Variants in ENY2 observed in about 807,000 individuals in gnomAD.
ENY2 encodes the protein transcription and mRNA export factor ENY2.
A neutral mutation model predicts 15.9 loss-of-function variants in ENY2; 4 were observed. The observed-to-expected ratio is 0.25, with a 90% CI of 0.12 to 0.57. ENY2 has a LOEUF of 0.57. Among genes scored for constraint, ENY2 ranks in the 20% least tolerant of loss-of-function variants. The pLI is 0.91. For missense variants in ENY2, 54 were observed against 117.2 expected (o/e 0.46, Z 2.49); for synonymous variants, 48 against 38.0 (o/e 1.26, Z -0.97).
rs912562214 is a variant in ENY2 at position 109,345,236 on chromosome 8, C to T, written c.*1755C>T. 2 of 152,100 alleles carry T rather than the reference C, an allele frequency of 1.3e-5. No homozygotes were observed. Among genetic ancestry groups the T allele is most frequent in the African/African-American group, 4.8e-5 (2 of 41,404 alleles). The allele number at this position is 152,100 out of a possible 1,614,324, so 9.4% of individuals were successfully genotyped here. ...ACAGTAGTTCTTGAAATTTTGCAGG[C>T]CTCTCCTGGAAAGGAGGAAATGACT... On this transcript the variant is annotated 3_prime_UTR_variant, in exon 5 of 5. Coordinates refer to ENST00000521688, the MANE Select transcript of ENY2 (RefSeq NM_020189.6).
intron 4 of ENY2, among the ~76,000 whole-genome samples, chr8:109,343,108 T>C (rs1037375816): frequency 1.3e-5 from 2 of 152,234 alleles, no homozygotes; most frequent in South Asian, 2.1e-4. Context: ...TTTAATCAAA[T>C]TTATCCATCT....
chr8:109,334,385 G>A lies in ENY2; in HGVS notation c.-84G>A. ...CCCGAGCTACTGAGGGTCTAAGTCC[G>A]GGCAGCCGAAGAGTGTGGTAGGTAA... On this transcript the variant is annotated 5_prime_UTR_variant, in exon 1 of 5. Transcript: ENST00000521688. 1.2e-6 allele frequency: 2 copies of A among 1,601,052 alleles called. No homozygotes were observed. Among genetic ancestry groups the A allele is most frequent in the Non-Finnish European group, 1.7e-6 (2 of 1,171,218 alleles).
rs1816198367 is a variant in ENY2 at position 109,344,719 on chromosome 8, A to G, written c.*1238A>G. 6.6e-6 allele frequency: 1 copy of G among 152,260 alleles called. No homozygotes were observed. Among genetic ancestry groups the G allele is most frequent in the Non-Finnish European group, 1.5e-5 (1 of 68,058 alleles). 9.4% of individuals were successfully genotyped at this position (152,260 alleles called of 1,614,324 possible). A position where few individuals can be genotyped will look rare whatever the true frequency, so the allele number is the denominator to read the frequency against. On this transcript the variant is annotated 3_prime_UTR_variant, in exon 5 of 5. Transcript: ENST00000521688. The stretch of plus-strand genomic sequence containing the variant: ...TCTGGCGAGTACCCAACTGGTGCTC[A>G]TGCTGCTGATTGAGAACCACTTCTG...
intron 2 of ENY2, chr8:109,338,269 A>T (rs1325792167): frequency 2.0e-5 from 3 of 152,196 alleles, no homozygotes; most frequent in African/African-American, 7.2e-5. Context: ...GATAGTGAGA[A>T]AGGTGAATTC....
At chr8:109,337,260 A>G (rs1816005903) in intron 2 of ENY2, among the ~76,000 whole-genome samples, 1 of 152,108 alleles carries the variant, frequency 6.6e-6, no homozygotes, top group Non-Finnish European at 1.5e-5. Context: ...AAAATGTAGA[A>G]ACAGCAACCC....
Position 109,336,175 on chromosome 8 carries a change from A to G in ENY2, c.54A>G (p.Gln18=), listed in dbSNP as rs751120372. 3.7e-6 allele frequency: 6 copies of G among 1,613,468 alleles called. No individual in the cohort carries two copies. In the African/African-American group the frequency reaches 8.0e-5, roughly 22 times the overall value. The change falls in exon 2 of 5, where the codon CAA becomes CAG. Residue 18 remains glutamine, a synonymous_variant. Coordinates refer to ENST00000521688, the MANE Select transcript of ENY2 (RefSeq NM_020189.6). ...KDAQMRAAIN[Q]KLIETGERER... is the part of the protein sequence containing the mutation. ...CGCAGATGAGAGCAGCGATTAACCA[A>G]AAGTTGATAGAAACTGGAGAAAGAG...
rs961274416 is a variant in ENY2 at position 109,345,161 on chromosome 8, C to G, written c.*1680C>G. 2 of 152,166 alleles carry G rather than the reference C, an allele frequency of 1.3e-5. No individual in the cohort carries two copies. The highest frequency in any genetic ancestry group is 2.9e-5 in the Non-Finnish European group (2 of 68,038). The allele number at this position is 152,166 out of a possible 1,614,324, so 9.4% of individuals were successfully genotyped here. A position where few individuals can be genotyped will look rare whatever the true frequency, so the allele number is the denominator to read the frequency against. Reference sequence around the variant, plus strand: ...TCAGACATCCCTCTGACTTAGATCCCCCACTACTGTTTTTCTGTGAGAAGC... The same window carrying G: ...TCAGACATCCCTCTGACTTAGATCCGCCACTACTGTTTTTCTGTGAGAAGC... On this transcript the variant is annotated 3_prime_UTR_variant, in exon 5 of 5. Coordinates refer to ENST00000521688, the MANE Select transcript of ENY2 (RefSeq NM_020189.6).
chr8:109,341,444 T>G (rs1816110144), intron 4 of ENY2, among the ~76,000 whole-genome samples: 1 of 152,132 alleles, frequency 6.6e-6, no homozygotes, highest in African/African-American at 2.4e-5. Flanking sequence ...TTCAAGTATG[T>G]CTCGGGGAAA....
intron 2 of ENY2, 62 bp from the exon 3 acceptor site, chr8:109,339,258 T>G: frequency 6.7e-7 from 1 of 1,493,076 alleles, no homozygotes; most frequent in Non-Finnish European, 9.3e-7. Flanking sequence ...AAACTTTGCT[T>G]CATACATTCC....
Position 109,343,565 on chromosome 8 carries a change from T to C in ENY2, c.*84T>C, listed in dbSNP as rs1816168898. ...TAGAAAACAATTTCCCAAAATAAAA[T>C]CCTTTTTTGTATGATGGTATACAGT... On this transcript the variant is annotated 3_prime_UTR_variant, in exon 5 of 5. Transcript: ENST00000521688. The C allele has an allele frequency of 6.1e-6, 8 of 1,302,930 alleles. No homozygotes were observed. The highest frequency in any genetic ancestry group is 8.7e-6 in the Non-Finnish European group (8 of 924,582). 80.7% of individuals were successfully genotyped at this position (1,302,930 alleles called of 1,614,324 possible).
At chr8:109,339,613 G>T in intron 3 of ENY2, 1 of 429,474 alleles carries the variant, frequency 2.3e-6, no homozygotes, top group Non-Finnish European at 4.1e-6. Context: ...ATTTTCTCTG[G>T]CATCAGAATA....
chr8:109,336,293 T>C lies in ENY2; in HGVS notation c.83+89T>C, dbSNP rs551489685. On this transcript the variant is annotated intron_variant, in intron 2 of 4. Coordinates refer to ENST00000521688, the MANE Select transcript of ENY2 (RefSeq NM_020189.6). The stretch of plus-strand genomic sequence containing the variant: ...CTAAACAAGAAATGAAACATGTCAC[T>C]GGAAAGAATTACAATTGAGATTATA... The C allele has an allele frequency of 7.4e-6, 8 of 1,075,780 alleles. No homozygotes were observed. In the South Asian group the frequency reaches 1.2e-4, roughly 16 times the overall value. 66.6% of individuals were successfully genotyped at this position (1,075,780 alleles called of 1,614,324 possible). A position where few individuals can be genotyped will look rare whatever the true frequency, so the allele number is the denominator to read the frequency against.
chr8:109,339,245 C>T (rs1586327800), intron 2 of ENY2, 75 bp from the exon 3 acceptor site: 1 of 1,414,810 alleles, frequency 7.1e-7, no homozygotes, highest in South Asian at 1.2e-5. Context: ...TAGTTGAACA[C>T]TGAAACTTTG....
At chr8:109,342,398 A>G (rs578253115) in intron 4 of ENY2, among the ~76,000 whole-genome samples, 9 of 151,016 alleles carry the variant, frequency 6.0e-5, no homozygotes, top group Non-Finnish European at 1.3e-4. Flanking sequence ...AACAGTGTGT[A>G]TGTATACATA....
chr8:109,345,410 C>A lies in ENY2; in HGVS notation c.*1929C>A, dbSNP rs1302362093. 2 of 152,164 alleles carry A rather than the reference C, an allele frequency of 1.3e-5. No individual in the cohort carries two copies. The highest frequency in any genetic ancestry group is 2.1e-4 in the South Asian group (1 of 4,838). The allele number at this position is 152,164 out of a possible 1,614,324, so 9.4% of individuals were successfully genotyped here. Reference sequence around the variant, plus strand: ...TCAAATTGATCTTTGGTTCGAGAGACAATTTCATCTTTCTGATGAATTTAA... The same window carrying A: ...TCAAATTGATCTTTGGTTCGAGAGAAAATTTCATCTTTCTGATGAATTTAA... On this transcript the variant is annotated 3_prime_UTR_variant, in exon 5 of 5. Transcript: ENST00000521688.
At position 109,344,977 on chromosome 8, in the gene ENY2, G is replaced by C. The variant is rs1401263421; in HGVS notation, c.*1496G>C. ...AAACTCATTCAGCATTAACACATAG[G>C]CCCTTCTTGATCTGACATCGTGTTT... On this transcript the variant is annotated 3_prime_UTR_variant, in exon 5 of 5. Transcript: ENST00000521688. 6.6e-6 allele frequency: 1 copy of C among 152,068 alleles called. No individual in the cohort carries two copies. Among genetic ancestry groups the C allele is most frequent in the Non-Finnish European group, 1.5e-5 (1 of 68,020 alleles). 9.4% of individuals were successfully genotyped at this position (152,068 alleles called of 1,614,324 possible).
At chr8:109,336,508 A>G (rs1383819157) in intron 2 of ENY2, 2 of 233,440 alleles carry the variant, frequency 8.6e-6, no homozygotes, top group Middle Eastern at 1.4e-3. Context: ...ACAGGGAGAC[A>G]ATGTTGTGGA....
intron 4 of ENY2, chr8:109,342,792 T>C: frequency 1.5e-6 from 1 of 685,938 alleles, no homozygotes; most frequent in Middle Eastern, 2.4e-4. Context: ...GCGTGAGCCA[T>C]CGTACCCAGC....
At chr8:109,342,558 G>A (rs1249042200) in intron 4 of ENY2, 2 of 466,952 alleles carry the variant, frequency 4.3e-6, no homozygotes, top group East Asian at 7.9e-5. Context: ...CACCGAGGAT[G>A]GAGTGCGGTG....
Sources: allele counts gnomAD v4.1 joint callset (sites outside exome capture counted in the v4.1 genomes callset), GRCh38; gene constraint gnomAD v4.1.1; transcripts MANE v1.5; gene names NCBI Gene and HGNC (gene_info 2026-07-23, HGNC 2026-07-21).